The following AUTS2 variants were observed in gnomAD, a reference collection of about 807,000 sequenced individuals.
The protein encoded by AUTS2 is autism susceptibility gene 2 protein.
A neutral mutation model predicts 112.4 loss-of-function variants in AUTS2; 17 were observed. The observed-to-expected ratio is 0.15, with a 90% CI of 0.10 to 0.23. The LOEUF is 0.23. AUTS2 is among the 10% of genes least tolerant of loss of function. The pLI, the probability that AUTS2 is intolerant of heterozygous loss-of-function variation, is 1.00. For synonymous variants in AUTS2, 751 were observed against 702.7 expected (o/e 1.07, Z -1.09); for missense variants, 1,510 against 1,701.6 (o/e 0.89, Z 1.98).
At chr7:69,750,506 T>C (rs1379220394) in intron 1 of AUTS2, among the ~76,000 whole-genome samples, 3 of 144,756 alleles carry the variant, frequency 2.1e-5, no homozygotes, top group Non-Finnish European at 4.6e-5. Context: ...GTAGTAGCAG[T>C]AGTAGTAGTA....
intron 2 of AUTS2, among the ~76,000 whole-genome samples, chr7:69,920,603 G>C (rs1795770842): frequency 6.6e-6 from 1 of 152,046 alleles, no homozygotes; most frequent in South Asian, 2.1e-4. Flanking sequence ...CAGTTTTTCA[G>C]TAAGTAAATT....
intron 4 of AUTS2, among the ~76,000 whole-genome samples, chr7:70,318,189 A>C (rs1790088726): frequency 6.6e-6 from 1 of 152,096 alleles, no homozygotes; most frequent in Admixed American, 6.6e-5. Flanking sequence ...ATATTGTAGG[A>C]GAAGGGTTGG....
chr7:70,095,738 C>T (rs1804161569), intron 2 of AUTS2, among the ~76,000 whole-genome samples: 1 of 152,112 alleles, frequency 6.6e-6, no homozygotes, highest in African/African-American at 2.4e-5. Context: ...TTGAGGGCTT[C>T]TAGATGCTGT....
chr7:69,912,415 C>A (rs995124941), intron 2 of AUTS2, among the ~76,000 whole-genome samples: 1 of 152,154 alleles, frequency 6.6e-6, no homozygotes, highest in African/African-American at 2.4e-5. Context: ...CTGTTCCTGG[C>A]CCCAGCCGGC....
At chr7:70,049,448 G>A (rs552397656) in intron 2 of AUTS2, among the ~76,000 whole-genome samples, 1 of 151,914 alleles carries the variant, frequency 6.6e-6, no homozygotes, top group South Asian at 2.1e-4. Context: ...TCCTGCCTCA[G>A]CTTCCTAAGT....
intron 4 of AUTS2, among the ~76,000 whole-genome samples, chr7:70,299,650 G>A (rs571681872): frequency 2.7e-4 from 41 of 152,194 alleles, no homozygotes; most frequent in African/African-American, 8.4e-4. Flanking sequence ...CTTGCAGCCC[G>A]TGCTTCCCTC....
chr7:70,506,304 G>A (rs910610901), intron 5 of AUTS2, among the ~76,000 whole-genome samples: 1 of 152,256 alleles, frequency 6.6e-6, no homozygotes, highest in Non-Finnish European at 1.5e-5. Context: ...GAGCTACAAG[G>A]ACAGACGTCT....
intron 5 of AUTS2, among the ~76,000 whole-genome samples, chr7:70,614,564 T>C (rs1485100529): frequency 6.6e-6 from 1 of 152,222 alleles, no homozygotes; most frequent in Non-Finnish European, 1.5e-5. Flanking sequence ...TGGAACTTGC[T>C]GCAGAGAGTG....
intron 1 of AUTS2, among the ~76,000 whole-genome samples, chr7:69,744,825 A>C (rs1211143266): frequency 2.0e-5 from 3 of 152,184 alleles, no homozygotes; most frequent in Non-Finnish European, 4.4e-5. Flanking sequence ...GTGAGACCTT[A>C]TCTCTAAAAA....
chr7:70,496,168 GTC>G (rs1491286151), intron 5 of AUTS2, among the ~76,000 whole-genome samples: 18 of 56,124 alleles, frequency 3.2e-4, no homozygotes, highest in South Asian at 1.3e-3. Flanking sequence ...CACGTACACA[GTC>G]ACACACACAC....
intron 5 of AUTS2, among the ~76,000 whole-genome samples, chr7:70,466,495 G>A (rs971641472): frequency 6.6e-6 from 1 of 152,096 alleles, no homozygotes; most frequent in South Asian, 2.1e-4. Flanking sequence ...TTTGGGATGC[G>A]GCAACAAACA....
chr7:70,752,459 T>C (rs1413115588), intron 6 of AUTS2, among the ~76,000 whole-genome samples: 1 of 152,214 alleles, frequency 6.6e-6, no homozygotes, highest in African/African-American at 2.4e-5. Context: ...GAACGTGTTA[T>C]AGATATAAAT....
At chr7:69,776,073 A>G (rs539346117) in intron 1 of AUTS2, among the ~76,000 whole-genome samples, 7 of 152,026 alleles carry the variant, frequency 4.6e-5, no homozygotes, top group South Asian at 4.2e-4. Flanking sequence ...CTTTGTTTCT[A>G]TTGGTTGTTT....
chr7:69,860,822 A>G (rs1255745039), intron 1 of AUTS2, among the ~76,000 whole-genome samples: 1 of 152,210 alleles, frequency 6.6e-6, no homozygotes, highest in African/African-American at 2.4e-5. Flanking sequence ...TGCAATGTCA[A>G]CTGCTTTATA....
intron 1 of AUTS2, among the ~76,000 whole-genome samples, chr7:69,856,975 C>G (rs1442655262): frequency 6.6e-6 from 1 of 152,164 alleles, no homozygotes; most frequent in African/African-American, 2.4e-5. Context: ...CTTTGAAAAG[C>G]CAGGAATTTC....
intron 5 of AUTS2, among the ~76,000 whole-genome samples, chr7:70,635,603 A>G (rs1805494765): frequency 6.6e-6 from 1 of 152,122 alleles, no homozygotes; most frequent in African/African-American, 2.4e-5. Context: ...GGTTGTTCCC[A>G]TCTCTAGGTG....
At chr7:70,337,475 A>AC (rs1199860792) in intron 4 of AUTS2, among the ~76,000 whole-genome samples, 11 of 152,192 alleles carry the variant, frequency 7.2e-5, no homozygotes, top group African/African-American at 2.7e-4. Context: ...TACGTTCTGG[A>AC]ATATTACTTT....
At chr7:69,603,642 G>C (rs1446337437) in intron 1 of AUTS2, among the ~76,000 whole-genome samples, 1 of 152,142 alleles carries the variant, frequency 6.6e-6, no homozygotes, top group Non-Finnish European at 1.5e-5. Context: ...AAGATAAGAG[G>C]GTAGGCGAGG....
intron 15 of AUTS2, chr7:70,782,655 C>G (rs182591743): frequency 1.3e-5 from 2 of 152,312 alleles, no homozygotes; most frequent in Admixed American, 1.3e-4. Context: ...CTGCTAATAA[C>G]TTCATACCCA....
Sources: gnomAD v4.1 joint callset for allele counts (sites outside exome capture counted in the v4.1 genomes callset) on GRCh38, gnomAD v4.1.1 for gene constraint, MANE v1.5 for transcripts, NCBI Gene and HGNC (gene_info 2026-07-23, HGNC 2026-07-21) for gene names.